MGAT4C: variants seen among roughly 807,000 people sequenced by gnomAD.
MGAT4C encodes the protein alpha-1,3-mannosyl-glycoprotein 4-beta-N-acetylglucosaminyltransferase C.
MGAT4C carries 19 observed loss-of-function variants against 40.1 expected under a neutral mutation model. That is an observed-to-expected ratio of 0.47 (90% CI 0.33 to 0.70). The LOEUF is 0.70. MGAT4C is among the 30% of genes least tolerant of loss of function. The probability of loss-of-function intolerance (pLI) is 0.02; values close to 1 mark genes in which losing one functional copy is unlikely to be tolerated. For missense variants in MGAT4C, 491 were observed against 563.2 expected, an observed-to-expected ratio of 0.87 and a Z score of 1.30; for synonymous variants, 181 against 187.1, an observed-to-expected ratio of 0.97 and a Z score of 0.27.
At chr12:86,252,033 C>A (rs764083705) in intron 1 of MGAT4C, among the ~76,000 whole-genome samples, 3 of 151,996 alleles carry the variant, frequency 2.0e-5, no homozygotes, top group Non-Finnish European at 2.9e-5. Context: ...ACATCTACTG[C>A]TTAATAGCTC....
chr12:86,422,787 G>GT, intron 3 of MGAT4C, among the ~76,000 whole-genome samples: 1 of 151,804 alleles, frequency 6.6e-6, no homozygotes, highest in Non-Finnish European at 1.5e-5. Flanking sequence ...TGAAATTGTT[G>GT]TATTTTATTT....
intron 1 of MGAT4C, among the ~76,000 whole-genome samples, chr12:86,119,878 T>C (rs1418771422): frequency 6.6e-6 from 1 of 151,934 alleles, no homozygotes; most frequent in Non-Finnish European, 1.5e-5. Context: ...TTTTTAATAA[T>C]ATATTAAAGT....
intron 1 of MGAT4C, among the ~76,000 whole-genome samples, chr12:86,744,892 T>G (rs1274561990): frequency 6.6e-6 from 1 of 151,498 alleles, no homozygotes; most frequent in Non-Finnish European, 1.5e-5. Flanking sequence ...TTAAAAAAAT[T>G]GAAACATAAT....
Position 85,973,149 on chromosome 12 carries a change from A to G in MGAT4C, c.*6140T>C, listed in dbSNP as rs779962470. On this transcript the variant is annotated 3_prime_UTR_variant, in exon 5 of 5. Coordinates refer to ENST00000611864, the MANE Select transcript of MGAT4C (RefSeq NM_001351288.2). ...CATATCTCTGTGCCATACTTTTGGT[A>G]CCTTCATAATAAACGGTAAAGTGAG... 52 of 150,920 alleles carry G rather than the reference A, an allele frequency of 3.4e-4. 1 individual carries two copies. The highest frequency in any genetic ancestry group is 1.6e-3 in the Admixed American group (24 of 15,134). 9.3% of individuals were successfully genotyped at this position (150,920 alleles called of 1,614,324 possible).
intron 2 of MGAT4C, among the ~76,000 whole-genome samples, chr12:86,652,060 A>G (rs1963712374): frequency 6.6e-6 from 1 of 151,850 alleles, no homozygotes; most frequent in Admixed American, 6.6e-5. Context: ...GATGGTCATA[A>G]CTTCATAATA....
At chr12:86,766,889 A>G (rs936703672) in intron 1 of MGAT4C, among the ~76,000 whole-genome samples, 5 of 152,156 alleles carry the variant, frequency 3.3e-5, no homozygotes, top group Non-Finnish European at 7.3e-5. Context: ...GGAAATTTAT[A>G]GCACTAAATG....
chr12:86,615,442 G>T (rs1425789815), intron 2 of MGAT4C, among the ~76,000 whole-genome samples: 1 of 151,958 alleles, frequency 6.6e-6, no homozygotes, highest in Non-Finnish European at 1.5e-5. Context: ...TATCTCTGAG[G>T]TGATAAAAGT....
chr12:86,182,625 A>C (rs1171855221), intron 1 of MGAT4C, among the ~76,000 whole-genome samples: 2 of 149,050 alleles, frequency 1.3e-5, no homozygotes, highest in African/African-American at 5.0e-5. Context: ...CTCTCTTCCT[A>C]TTTAGTTTTC....
intron 4 of MGAT4C, among the ~76,000 whole-genome samples, chr12:86,294,015 A>G (rs958856441): frequency 1.3e-5 from 2 of 152,176 alleles, no homozygotes; most frequent in Non-Finnish European, 2.9e-5. Context: ...TCCTAGCAAC[A>G]AAATCTCCCA....
At chr12:86,494,441 T>C (rs914907267) in intron 2 of MGAT4C, among the ~76,000 whole-genome samples, 5 of 151,940 alleles carry the variant, frequency 3.3e-5, no homozygotes, top group South Asian at 2.1e-4. Flanking sequence ...CTCTGACATA[T>C]AGACAACTCC....
chr12:86,364,482 G>A (rs1321217371), intron 3 of MGAT4C, among the ~76,000 whole-genome samples: 5 of 152,060 alleles, frequency 3.3e-5, no homozygotes, highest in Non-Finnish European at 7.3e-5. Flanking sequence ...TATATGGTGA[G>A]ATATAGGGAT....
At chr12:86,491,203 T>C (rs1029895769) in intron 2 of MGAT4C, among the ~76,000 whole-genome samples, 2 of 152,116 alleles carry the variant, frequency 1.3e-5, no homozygotes, top group African/African-American at 2.4e-5. Context: ...CACAGCCGAA[T>C]GCTACCAGAG....
At chr12:86,712,263 C>A (rs1422350972) in intron 2 of MGAT4C, among the ~76,000 whole-genome samples, 1 of 151,880 alleles carries the variant, frequency 6.6e-6, no homozygotes, top group Non-Finnish European at 1.5e-5. Context: ...CTTTACCCTG[C>A]AACAATAAAA....
intron 2 of MGAT4C, among the ~76,000 whole-genome samples, chr12:86,047,799 G>A (rs1892537821): frequency 1.3e-5 from 2 of 152,128 alleles, no homozygotes; most frequent in Non-Finnish European, 2.9e-5. Context: ...CAAAAGCAAA[G>A]CAGTTAGTAT....
At chr12:86,515,738 CTTTT>C (rs940550644) in intron 2 of MGAT4C, among the ~76,000 whole-genome samples, 9 of 133,444 alleles carry the variant, frequency 6.7e-5, no homozygotes, top group African/African-American at 2.2e-4. Flanking sequence ...TAAAGCAATT[CTTTT>C]TTTTTTTTTT....
At chr12:86,645,145 A>T (rs1963503983) in intron 2 of MGAT4C, among the ~76,000 whole-genome samples, 1 of 151,594 alleles carries the variant, frequency 6.6e-6, no homozygotes, top group Non-Finnish European at 1.5e-5. Flanking sequence ...ATAGCTGAAA[A>T]ATGCATTACA....
chr12:86,018,039 C>T (rs1199470548), intron 2 of MGAT4C, among the ~76,000 whole-genome samples: 1 of 152,160 alleles, frequency 6.6e-6, no homozygotes, highest in African/African-American at 2.4e-5. Flanking sequence ...ATGCATATGA[C>T]TGTGCATGTA....
chr12:86,007,461 C>G (rs1888005043), intron 2 of MGAT4C, among the ~76,000 whole-genome samples: 1 of 151,934 alleles, frequency 6.6e-6, no homozygotes, highest in African/African-American at 2.4e-5. Context: ...GGTAGTGTAT[C>G]ATAAGATTTA....
chr12:86,053,832 T>A (rs535201731), intron 1 of MGAT4C, among the ~76,000 whole-genome samples: 288 of 151,962 alleles, frequency 1.9e-3, no homozygotes, highest in Non-Finnish European at 3.4e-3. Context: ...AACAGGTATA[T>A]ACATAAAAAA....
Sources: allele counts gnomAD v4.1 joint callset (sites outside exome capture counted in the v4.1 genomes callset), GRCh38; gene constraint gnomAD v4.1.1; transcripts MANE v1.5; gene names NCBI Gene and HGNC (gene_info 2026-07-23, HGNC 2026-07-21).